The following SORCS2 variants were observed in gnomAD, a reference collection of about 807,000 sequenced individuals.
The protein encoded by SORCS2 is sortilin related VPS10 domain containing receptor 2, also known as VPS10 domain-containing receptor SorCS2.
Under a neutral mutation model 141.6 loss-of-function variants are expected in SORCS2, and 100 were observed. That is an observed-to-expected ratio of 0.71 (90% CI 0.60 to 0.83). The LOEUF (loss-of-function observed/expected upper bound fraction) is 0.83. Among genes scored for constraint, SORCS2 ranks in the 40% least tolerant of loss-of-function variants. The pLI is 0.00. For synonymous variants in SORCS2, 789 were observed against 676.9 expected (o/e 1.17, Z -2.57); for missense variants, 1,646 against 1,560.2 (o/e 1.05, Z -0.93).
intron 1 of SORCS2, among the ~76,000 whole-genome samples, chr4:7,349,389 G>A (rs1009610356): frequency 6.6e-6 from 1 of 152,150 alleles, no homozygotes; most frequent in African/African-American, 2.4e-5. Flanking sequence ...GGCTGCCACT[G>A]GCCCCGTGCC....
At chr4:7,720,054 AAC>A (rs1009329187) in intron 18 of SORCS2, among the ~76,000 whole-genome samples, 2 of 151,950 alleles carry the variant, frequency 1.3e-5, no homozygotes. Flanking sequence ...CATACACACA[AAC>A]ACACAGACAC....
chr4:7,232,378 T>C (rs927111715), intron 1 of SORCS2, among the ~76,000 whole-genome samples: 1 of 152,168 alleles, frequency 6.6e-6, no homozygotes, highest in Non-Finnish European at 1.5e-5. Flanking sequence ...GCTGCCAGAC[T>C]CCTAGGACCC....
chr4:7,616,330 C>A (rs889512152), intron 3 of SORCS2, among the ~76,000 whole-genome samples: 1 of 152,168 alleles, frequency 6.6e-6, no homozygotes, highest in African/African-American at 2.4e-5. Context: ...TGTCATCTGT[C>A]CATTCACCCA....
chr4:7,666,461 C>T (rs1379108495), intron 7 of SORCS2, among the ~76,000 whole-genome samples: 3 of 152,210 alleles, frequency 2.0e-5, no homozygotes, highest in African/African-American at 7.2e-5. Flanking sequence ...CTTCCTCCCT[C>T]CTCCCACCCT....
At chr4:7,410,980 G>A (rs952465868) in intron 2 of SORCS2, among the ~76,000 whole-genome samples, 5 of 111,850 alleles carry the variant, frequency 4.5e-5, no homozygotes, top group Admixed American at 2.3e-4. Flanking sequence ...TTTTTGAGAC[G>A]GAGTCTGAAT....
At chr4:7,608,131 G>A (rs780964013) in intron 3 of SORCS2, among the ~76,000 whole-genome samples, 2 of 152,154 alleles carry the variant, frequency 1.3e-5, no homozygotes, top group Non-Finnish European at 1.5e-5. Context: ...TATGGCACAC[G>A]CAGTTGTCCC....
At chr4:7,509,483 A>G (rs1012335315) in intron 2 of SORCS2, among the ~76,000 whole-genome samples, 12 of 152,128 alleles carry the variant, frequency 7.9e-5, no homozygotes, top group Admixed American at 7.2e-4. Context: ...GCCAGGACGC[A>G]TGTGTTGCCC....
Position 7,676,840 on chromosome 4 carries a change from C to A in SORCS2, c.1341+611C>A, listed in dbSNP as rs1406822076. ...CTCTCTCTCTCTCTCCCTCTCTCCA[C>A]CCCAGCCCTGTCATCTCCTCCTTCC... On this transcript the variant is annotated intron_variant, in intron 9 of 26. Coordinates refer to ENST00000507866, the MANE Select transcript of SORCS2 (RefSeq NM_020777.3). Among the ~76,000 whole-genome samples the A allele has an allele frequency of 4.9e-5, 3 of 61,502 alleles. No homozygotes were observed. The Admixed American group carries it at 5.8e-4, about 12-fold the overall frequency. 40.3% of individuals were successfully genotyped at this position (61,502 alleles called of 152,430 possible). A position where few individuals can be genotyped will look rare whatever the true frequency, so the allele number is the denominator to read the frequency against.
At chr4:7,202,736 C>G (rs558628996) in intron 1 of SORCS2, among the ~76,000 whole-genome samples, 1 of 152,268 alleles carries the variant, frequency 6.6e-6, no homozygotes, top group East Asian at 1.9e-4. Flanking sequence ...GGCTTCTTTG[C>G]CGTGCATATT....
chr4:7,446,615 C>G (rs1711696703), intron 2 of SORCS2, among the ~76,000 whole-genome samples: 1 of 152,092 alleles, frequency 6.6e-6, no homozygotes, highest in Non-Finnish European at 1.5e-5. Flanking sequence ...CCCTGAGCAG[C>G]CTTGTTGGGG....
At chr4:7,252,864 T>G (rs1023689197) in intron 1 of SORCS2, among the ~76,000 whole-genome samples, 11 of 152,260 alleles carry the variant, frequency 7.2e-5, no homozygotes, top group Non-Finnish European at 2.9e-5. Flanking sequence ...ATTATTGCAT[T>G]CCGTTTAGAA....
intron 1 of SORCS2, among the ~76,000 whole-genome samples, chr4:7,305,193 G>A (rs1452951467): frequency 2.6e-5 from 4 of 152,000 alleles, no homozygotes; most frequent in Admixed American, 6.5e-5. Context: ...CACCGCGCCC[G>A]GCTAATTTTT....
intron 1 of SORCS2, among the ~76,000 whole-genome samples, chr4:7,235,179 T>C (rs911097970): frequency 2.6e-5 from 4 of 152,100 alleles, no homozygotes; most frequent in Admixed American, 1.3e-4. Context: ...AGGCGGGAGG[T>C]GGCGAGCACA....
Position 7,531,525 on chromosome 4 carries a change from C to T in SORCS2, c.549-5C>T. 1 of 1,613,506 alleles carries T rather than the reference C, an allele frequency of 6.2e-7. No individual in the cohort carries two copies. The highest frequency in any genetic ancestry group is 8.5e-7 in the Non-Finnish European group (1 of 1,179,628). On this transcript the variant is annotated splice_polypyrimidine_tract_variant and splice_region_variant and intron_variant, in intron 2 of 26. Transcript: ENST00000507866. ...TGGCTGACGGCTGTCCCCCTTTTCC[C>T]CCAGGTCATCAGATTTCGGGACGTC...
intron 1 of SORCS2, among the ~76,000 whole-genome samples, chr4:7,324,424 C>G (rs1381801179): frequency 5.3e-5 from 8 of 152,210 alleles, no homozygotes; most frequent in Non-Finnish European, 7.3e-5. Flanking sequence ...AACTGGGCAA[C>G]AGGCCGGGGA....
At chr4:7,562,799 C>T (rs188334227) in intron 3 of SORCS2, among the ~76,000 whole-genome samples, 12 of 152,276 alleles carry the variant, frequency 7.9e-5, no homozygotes, top group African/African-American at 2.4e-4. Flanking sequence ...TTCTTCTTGG[C>T]CACCCCACTC....
chr4:7,558,365 A>C (rs1714285086), intron 3 of SORCS2, among the ~76,000 whole-genome samples: 1 of 152,002 alleles, frequency 6.6e-6, no homozygotes, highest in South Asian at 2.1e-4. Flanking sequence ...ATCAGTTGTG[A>C]CAACCAAAAA....
chr4:7,255,236 G>A (rs1713775073), intron 1 of SORCS2, among the ~76,000 whole-genome samples: 1 of 152,010 alleles, frequency 6.6e-6, no homozygotes, highest in Non-Finnish European at 1.5e-5. Context: ...GTGCTTCCCG[G>A]GCAGTTTCCG....
chr4:7,434,865 C>T, intron 2 of SORCS2: 3 of 1,572,508 alleles, frequency 1.9e-6, no homozygotes, highest in Non-Finnish European at 2.6e-6. Context: ...GCAGGAGGAG[C>T]AGGGCACACA....
Sources: gnomAD v4.1 joint callset for allele counts (sites outside exome capture counted in the v4.1 genomes callset) on GRCh38, gnomAD v4.1.1 for gene constraint, MANE v1.5 for transcripts, NCBI Gene and HGNC (gene_info 2026-07-23, HGNC 2026-07-21) for gene names.